The following SPNS3 variants were observed in gnomAD, a reference collection of about 807,000 sequenced individuals.
SPNS3 encodes SPNS lysolipid transporter 3, sphingosine-1-phosphate (putative).
A neutral mutation model predicts 54.4 loss-of-function variants in SPNS3; 51 were observed. The observed-to-expected ratio is 0.94, with a 90% CI of 0.75 to 1.18. The LOEUF (loss-of-function observed/expected upper bound fraction) is 1.18. Among genes scored for constraint, SPNS3 ranks in the 50% most tolerant of loss-of-function variants. The probability of loss-of-function intolerance (pLI) is 0.00; values close to 1 mark genes in which losing one functional copy is unlikely to be tolerated. For missense variants in SPNS3, 669 were observed against 677.4 expected (o/e 0.99, Z 0.14); for synonymous variants, 309 against 294.7 (o/e 1.05, Z -0.50).
At chr17:4,479,115 T>G (rs1362018260) in intron 9 of SPNS3, among the ~76,000 whole-genome samples, 4 of 151,290 alleles carry the variant, frequency 2.6e-5, no homozygotes, top group Non-Finnish European at 4.4e-5. Flanking sequence ...GCTAATTTTG[T>G]ATTTTTAGTA....
rs754900170 is a variant in SPNS3 at position 4,446,137 on chromosome 17, C to A, written c.492C>A (p.Leu164=). ...TCGCGCCCACCGTCCTGGGCGACCT[C>A]TTCGTGAGGGACCAGCGCACCCGCG... ...STIAPTVLGD[L]FVRDQRTRVL... is the part of the protein sequence containing the mutation. Residue 164 remains leucine, a synonymous_variant, in exon 4 of 12, where the codon CTC becomes CTA. Coordinates refer to ENST00000355530, the MANE Select transcript of SPNS3 (RefSeq NM_182538.5). The A allele has an allele frequency of 6.2e-7, 1 of 1,613,788 alleles. No individual in the cohort carries two copies. The highest frequency in any genetic ancestry group is 1.3e-5 in the African/African-American group (1 of 75,036).
rs947364644 is a variant in SPNS3 at position 4,483,739 on chromosome 17, G to A, written c.1180-2489G>A. The A allele has an allele frequency of 2.8e-4, 42 of 152,280 alleles. No homozygotes were observed. The highest frequency in any genetic ancestry group is 9.6e-4 in the African/African-American group (40 of 41,528). The allele number at this position is 152,280 out of a possible 1,614,324, so 9.4% of individuals were successfully genotyped here. ...AGGCCTGTTGACAGATCCTGGTGAT[G>A]GCAAGAGGCCCGGTTTCTCTTGCCA... On this transcript the variant is annotated intron_variant, in intron 9 of 11. Coordinates refer to ENST00000355530, the MANE Select transcript of SPNS3 (RefSeq NM_182538.5). The surrounding 1 kb of genome is among the most constrained non-coding windows in gnomAD (Gnocchi z 4.2).
At chr17:4,455,166 G>A (rs764113680) in intron 8 of SPNS3, among the ~76,000 whole-genome samples, 5 of 151,628 alleles carry the variant, frequency 3.3e-5, no homozygotes, top group Non-Finnish European at 7.4e-5. Flanking sequence ...CGCCTGTCTC[G>A]GCCTCCCAAA....
chr17:4,453,727 T>C (rs1971232523), intron 8 of SPNS3, among the ~76,000 whole-genome samples: 1 of 152,200 alleles, frequency 6.6e-6, no homozygotes. Flanking sequence ...CCTCTGAGCA[T>C]TGGGTTAATG....
chr17:4,446,915 G>C lies in SPNS3; in HGVS notation c.574G>C (p.Gly192Arg), dbSNP rs760487236. The C allele has an allele frequency of 6.2e-7, 1 of 1,614,002 alleles. No individual in the cohort carries two copies. The highest frequency in any genetic ancestry group is 8.5e-7 in the Non-Finnish European group (1 of 1,180,022). ...PVGSGLGYVL[G>R]SAVTMLTGNW... is the part of the protein sequence containing the mutation. The stretch of plus-strand genomic sequence containing the variant: ...TTGCAGTGGTCTGGGCTACGTGCTG[G>C]GGTCGGCTGTGACGATGCTGACTGG... The change falls in exon 5 of 12, where the codon GGG becomes CGG. Residue 192 changes from glycine (G) to arginine (R), a missense_variant. Physicochemically the swap from Gly to Arg is moderately radical, Grantham distance 125 (BLOSUM62 -2). Transcript: ENST00000355530.
At chr17:4,465,900 G>T (rs543415905) in intron 8 of SPNS3, among the ~76,000 whole-genome samples, 3 of 152,334 alleles carry the variant, frequency 2.0e-5, no homozygotes, top group African/African-American at 7.2e-5. Context: ...CATTGCATGG[G>T]AAAGTGTTTT....
intron 9 of SPNS3, among the ~76,000 whole-genome samples, chr17:4,479,181 T>TCCAC (rs1972092244): frequency 2.6e-5 from 4 of 152,214 alleles, no homozygotes; most frequent in African/African-American, 9.6e-5. Context: ...CCTCAGGTGA[T>TCCAC]CTGCCCGCTT....
chr17:4,444,470 G>A (rs1187736904), intron 2 of SPNS3, among the ~76,000 whole-genome samples: 6 of 151,746 alleles, frequency 4.0e-5, no homozygotes, highest in Non-Finnish European at 7.4e-5. Flanking sequence ...CAATCTGCCC[G>A]CCTCAGCCTC....
At chr17:4,452,467 G>A (rs775929583) in intron 7 of SPNS3, among the ~76,000 whole-genome samples, 19 of 152,166 alleles carry the variant, frequency 1.2e-4, no homozygotes, top group Middle Eastern at 3.4e-3. Context: ...AAGTCAGGTA[G>A]GGGCTGCCTG....
chr17:4,472,562 C>T (rs778004832), intron 8 of SPNS3, among the ~76,000 whole-genome samples: 5 of 152,150 alleles, frequency 3.3e-5, no homozygotes, highest in Non-Finnish European at 5.9e-5. Flanking sequence ...GGGTTGCCCT[C>T]AGGCCTTGAG....
chr17:4,465,763 A>C (rs1337248280), intron 8 of SPNS3, among the ~76,000 whole-genome samples: 1 of 152,214 alleles, frequency 6.6e-6, no homozygotes, highest in Non-Finnish European at 1.5e-5. Context: ...TTTTGATGAG[A>C]GTATCAGTGA....
At chr17:4,448,324 C>T in intron 6 of SPNS3, 21 bp downstream of exon 6, 3 of 1,511,704 alleles carry the variant, frequency 2.0e-6, no homozygotes, top group Non-Finnish European at 1.8e-6. Flanking sequence ...CTGCTACCCC[C>T]TGCAAGGCAC....
chr17:4,463,290 A>T (rs962202918), intron 8 of SPNS3, among the ~76,000 whole-genome samples: 1 of 150,786 alleles, frequency 6.6e-6, no homozygotes, highest in African/African-American at 2.4e-5. Context: ...CCAGCTACTC[A>T]GGAGGCTGAG....
At chr17:4,484,044 A>G (rs1376836915) in intron 9 of SPNS3, among the ~76,000 whole-genome samples, 1 of 152,136 alleles carries the variant, frequency 6.6e-6, no homozygotes, top group Non-Finnish European at 1.5e-5. Context: ...TGAATGTTCT[A>G]TTACAAATGC....
At chr17:4,435,447 A>AT (rs924336870) in intron 1 of SPNS3, among the ~76,000 whole-genome samples, 2 of 148,284 alleles carry the variant, frequency 1.3e-5, no homozygotes, top group African/African-American at 2.5e-5. Context: ...TCTCAAAAAA[A>AT]AAAAAATAAA....
chr17:4,453,202 C>T lies in SPNS3; in HGVS notation c.1110C>T (p.Ser370=). The change falls in exon 8 of 12, where the codon TCC becomes TCT. Residue 370 remains serine (S), a synonymous_variant. Coordinates refer to ENST00000355530, the MANE Select transcript of SPNS3 (RefSeq NM_182538.5). The part of the protein sequence containing the change: ...LVLAPTTLLA[S]YVFLGLGELL... Reference sequence around the variant, plus strand: ...TGGCCCCGACCACCCTGCTGGCCTCCTATGTAAGTGAGAGCCTCTATGGAG... The same window carrying T: ...TGGCCCCGACCACCCTGCTGGCCTCTTATGTAAGTGAGAGCCTCTATGGAG... 6.2e-7 allele frequency: 1 copy of T among 1,612,014 alleles called. No homozygotes were observed. Among genetic ancestry groups the T allele is most frequent in the Non-Finnish European group, 8.5e-7 (1 of 1,179,304 alleles).
chr17:4,439,872 G>C, intron 2 of SPNS3, 149 bp downstream of exon 2: 1 of 694,930 alleles, frequency 1.4e-6, no homozygotes, highest in Non-Finnish European at 2.4e-6. Flanking sequence ...GGACAGTCTA[G>C]GCAGGAGCAG....
intron 8 of SPNS3, among the ~76,000 whole-genome samples, chr17:4,469,620 CAAAAAAAAAA>C (rs551056606): frequency 3.0e-5 from 2 of 66,866 alleles, no homozygotes; most frequent in Admixed American, 2.0e-4. Flanking sequence ...GACTCCATCT[CAAAAAAAAAA>C]AAAAAAAAAA....
intron 2 of SPNS3, among the ~76,000 whole-genome samples, chr17:4,443,601 C>A (rs1269984824): frequency 6.6e-6 from 1 of 152,116 alleles, no homozygotes; most frequent in Non-Finnish European, 1.5e-5. Flanking sequence ...CTCTCAGTAA[C>A]CAAACAAGGG....
Sources: allele counts gnomAD v4.1 joint callset (sites outside exome capture counted in the v4.1 genomes callset), GRCh38; gene constraint gnomAD v4.1.1; non-coding constraint Gnocchi (gnomAD v3.1); transcripts MANE v1.5; gene names NCBI Gene and HGNC (gene_info 2026-07-23, HGNC 2026-07-21).